Variants in C1orf146 observed in about 807,000 individuals in gnomAD.
C1orf146 encodes chromosome 1 open reading frame 146.
A neutral mutation model predicts 23.0 loss-of-function variants in C1orf146; 22 were observed. That is an observed-to-expected ratio of 0.96 (90% CI 0.68 to 1.36). The LOEUF is 1.36. Among genes scored for constraint, C1orf146 ranks in the 40% most tolerant of loss-of-function variants. C1orf146 has a pLI of 0.00. For missense variants in C1orf146, 199 were observed against 206.8 expected (o/e 0.96, Z 0.23); for synonymous variants, 59 against 65.3 (o/e 0.90, Z 0.47).
chr1:92,242,052 A>G (rs1457025276), intron 2 of C1orf146, among the ~76,000 whole-genome samples, 160 bp from the exon 3 acceptor site: 1 of 152,190 alleles, frequency 6.6e-6, no homozygotes, highest in Non-Finnish European at 1.5e-5. Context: ...TTGCTTTTTT[A>G]AAGTTTTTTC....
At chr1:92,244,455 G>A in intron 4 of C1orf146, 70 bp downstream of exon 4, 2 of 1,277,484 alleles carry the variant, frequency 1.6e-6, no homozygotes, top group South Asian at 1.6e-5. Context: ...ATTCTTTTAG[G>A]TAAGTTTTGT....
intron 2 of C1orf146, among the ~76,000 whole-genome samples, chr1:92,238,037 C>T (rs1371590206): frequency 6.6e-6 from 1 of 152,190 alleles, no homozygotes; most frequent in Non-Finnish European, 1.5e-5. Flanking sequence ...TCAAGTGATT[C>T]TCCTGCCTCA....
intron 1 of C1orf146, chr1:92,229,573 G>C (rs1401118387): frequency 6.3e-6 from 2 of 319,824 alleles, no homozygotes; most frequent in Non-Finnish European, 6.2e-6. Flanking sequence ...AAGCAGAGAA[G>C]GTCTTCCAAC....
intron 1 of C1orf146, among the ~76,000 whole-genome samples, chr1:92,223,607 A>G (rs894469466): frequency 6.6e-6 from 1 of 152,122 alleles, no homozygotes; most frequent in African/African-American, 2.4e-5. Flanking sequence ...ATCTCAGCTC[A>G]CTGCAACCTC....
chr1:92,224,068 T>A (rs1199334928), intron 1 of C1orf146, among the ~76,000 whole-genome samples: 1 of 138,164 alleles, frequency 7.2e-6, no homozygotes, highest in Non-Finnish European at 1.6e-5. Flanking sequence ...TTATTTATTT[T>A]GAGACGGAGT....
At chr1:92,226,740 A>G (rs542430454) in intron 1 of C1orf146, among the ~76,000 whole-genome samples, 22 of 152,270 alleles carry the variant, frequency 1.4e-4, no homozygotes, top group African/African-American at 5.1e-4. Context: ...TTTCAGTTGT[A>G]GAATTTAGTC....
chr1:92,234,276 A>T (rs1178955256), intron 2 of C1orf146, among the ~76,000 whole-genome samples: 2 of 152,264 alleles, frequency 1.3e-5, no homozygotes, highest in East Asian at 3.9e-4. Flanking sequence ...TTATTTTGAG[A>T]TACGTCCCAT....
intron 1 of C1orf146, among the ~76,000 whole-genome samples, chr1:92,227,533 C>G (rs918444569): frequency 2.0e-5 from 3 of 151,884 alleles, no homozygotes; most frequent in Non-Finnish European, 4.4e-5. Context: ...AGCGAGACTC[C>G]ATCTCAAAAA....
At position 92,243,597 on chromosome 1, in the gene C1orf146, G is replaced by A. The variant is rs571204171; in HGVS notation, c.161-620G>A. On this transcript the variant is annotated intron_variant, in intron 3 of 5. Coordinates refer to ENST00000370375, the MANE Select transcript of C1orf146 (RefSeq NM_001012425.2). ...CCTGACTTTGTGATCCGCCCACCTCGGCCTCCCAAAGTGCTGGGATTACAG... is the reference window on the plus strand; with the variant it reads ...CCTGACTTTGTGATCCGCCCACCTCAGCCTCCCAAAGTGCTGGGATTACAG... 2.5e-3 allele frequency among the ~76,000 whole-genome samples: 387 copies of A among 152,186 alleles called. 3 individuals are homozygous for A. The highest frequency in any genetic ancestry group is 9.5e-3 in the South Asian group (46 of 4,824).
chr1:92,245,406 A>G, intron 5 of C1orf146, 134 bp from the exon 6 acceptor site: 1 of 652,444 alleles, frequency 1.5e-6, no homozygotes, highest in Non-Finnish European at 2.6e-6. Flanking sequence ...TACTCTAGTA[A>G]CTCATACATA....
chr1:92,244,107 A>G, intron 3 of C1orf146, 110 bp from the exon 4 acceptor site: 2 of 671,910 alleles, frequency 3.0e-6, no homozygotes, highest in Non-Finnish European at 5.1e-6. Context: ...TTATGAGTTT[A>G]GGGCTTGGAC....
chr1:92,234,129 C>T (rs1652210101), intron 2 of C1orf146, among the ~76,000 whole-genome samples: 1 of 152,148 alleles, frequency 6.6e-6, no homozygotes, highest in Non-Finnish European at 1.5e-5. Context: ...TTGCCCTGGC[C>T]AGAACTTCCA....
At chr1:92,240,529 T>C (rs1652406909) in intron 2 of C1orf146, among the ~76,000 whole-genome samples, 1 of 152,196 alleles carries the variant, frequency 6.6e-6, no homozygotes, top group African/African-American at 2.4e-5. Flanking sequence ...CAAAATACTC[T>C]TTAGAAAAGA....
At chr1:92,241,966 G>A (rs536420063) in intron 2 of C1orf146, among the ~76,000 whole-genome samples, 2 of 152,108 alleles carry the variant, frequency 1.3e-5, no homozygotes, top group Non-Finnish European at 2.9e-5. Context: ...TTTAAGTTCT[G>A]TTCCTAAGTA....
chr1:92,222,837 C>T (rs1409313295), intron 1 of C1orf146, among the ~76,000 whole-genome samples: 4 of 152,016 alleles, frequency 2.6e-5, no homozygotes, highest in Non-Finnish European at 4.4e-5. Context: ...CCGCCCACCT[C>T]GGCCTCCCAA....
chr1:92,242,186 T>C (rs1359963921), intron 2 of C1orf146, 26 bp from the exon 3 acceptor site: 12 of 1,388,446 alleles, frequency 8.6e-6, no homozygotes, highest in Middle Eastern at 1.8e-4. Flanking sequence ...GCCTTAAATT[T>C]GTATTTCTGA....
Position 92,227,028 on chromosome 1 carries a change from G to A in C1orf146, c.-39-4354G>A, listed in dbSNP as rs917774917. Among the ~76,000 whole-genome samples, 3 of 152,246 alleles carry A rather than the reference G, an allele frequency of 2.0e-5. No individual in the cohort carries two copies. In the East Asian group the frequency reaches 5.8e-4, roughly 29 times the overall value. On this transcript the variant is annotated intron_variant, in intron 1 of 5. Transcript: ENST00000370375. ...ACTTCTACCACTTCAAGGACCTAAA[G>A]CACCTTAGGTACAGTTACCATCATT...
Position 92,245,645 on chromosome 1 carries a change from C to A in C1orf146, c.514C>A (p.Leu172Met). ...TTGGAAAACACTTCAGAAGATAAAA[C>A]TGAATAGTGATTCAGTTAACCCAAA... ...PVWKTLQKIKLNSDSVNPN is the reference protein window; with the variant it reads ...PVWKTLQKIKMNSDSVNPN The change falls in exon 6 of 6, where the codon CTG (leucine) becomes ATG (methionine). Residue 172 changes from leucine to methionine, a missense_variant. Coordinates refer to ENST00000370375, the MANE Select transcript of C1orf146 (RefSeq NM_001012425.2). The A allele has an allele frequency of 6.3e-7, 1 of 1,590,046 alleles. No homozygotes were observed. Among genetic ancestry groups the A allele is most frequent in the Non-Finnish European group, 8.5e-7 (1 of 1,172,382 alleles).
Position 92,242,196 on chromosome 1 carries a change from A to G in C1orf146, c.67-16A>G, listed in dbSNP as rs775953478. On this transcript the variant is annotated splice_polypyrimidine_tract_variant and intron_variant, in intron 2 of 5. Transcript: ENST00000370375. ...AGCATGCCTTAAATTTGTATTTCTG[A>G]TATTTTTTAAAAAAGAGTTATGAAG... 11 of 1,470,680 alleles carry G rather than the reference A, an allele frequency of 7.5e-6. No homozygotes were observed. Among genetic ancestry groups the G allele is most frequent in the East Asian group, 6.9e-5 (3 of 43,250 alleles). 91.1% of individuals were successfully genotyped at this position (1,470,680 alleles called of 1,614,324 possible). A position where few individuals can be genotyped will look rare whatever the true frequency, so the allele number is the denominator to read the frequency against.
Sources: gnomAD v4.1 joint callset for allele counts (sites outside exome capture counted in the v4.1 genomes callset) on GRCh38, gnomAD v4.1.1 for gene constraint, MANE v1.5 for transcripts, NCBI Gene and HGNC (gene_info 2026-07-23, HGNC 2026-07-21) for gene names.